CSTL1: variants seen among roughly 807,000 people sequenced by gnomAD.
The protein encoded by CSTL1 is cystatin-like 1.
CSTL1 carries 14 observed loss-of-function variants against 14.4 expected under a neutral mutation model. The observed-to-expected ratio is 0.97, with a 90% CI of 0.64 to 1.52. CSTL1 has a LOEUF of 1.52. CSTL1 is among the 40% of genes most tolerant of loss of function. The pLI, the probability that CSTL1 is intolerant of heterozygous loss-of-function variation, is 0.00. For missense variants in CSTL1, 170 were observed against 168.7 expected, an observed-to-expected ratio of 1.01 and a Z score of -0.04; for synonymous variants, 72 against 67.5, an observed-to-expected ratio of 1.07 and a Z score of -0.33.
At chr20:23,452,584 C>A in the CSTL1 span, 1 of 1,604,528 alleles carries the variant, frequency 6.2e-7, no homozygotes, top group South Asian at 1.1e-5. Context: ...ATACACTCAC[C>A]TGCCTCTGGA....
downstream of CSTL1, among the ~76,000 whole-genome samples, chr20:23,449,562 G>T (rs903181539): frequency 2.0e-5 from 3 of 152,186 alleles, no homozygotes; most frequent in Non-Finnish European, 2.9e-5. Flanking sequence ...CCATTGAGCT[G>T]CTGGCAGCCT....
chr20:23,447,911 T>C (rs1987000097), downstream of CSTL1, among the ~76,000 whole-genome samples: 1 of 152,256 alleles, frequency 6.6e-6, no homozygotes, highest in East Asian at 1.9e-4. Flanking sequence ...TACTTATCGA[T>C]TTAAATCTTG....
chr20:23,456,914 G>A, the CSTL1 span, among the ~76,000 whole-genome samples: 2 of 152,104 alleles, frequency 1.3e-5, no homozygotes, highest in Non-Finnish European at 2.9e-5. Context: ...CCTCTTCTAA[G>A]GACGTGATTA....
intron 2 of CSTL1, among the ~76,000 whole-genome samples, chr20:23,442,967 C>T (rs967349133): frequency 9.9e-5 from 15 of 152,226 alleles, no homozygotes; most frequent in Admixed American, 3.3e-4. Context: ...TCCCTGCCCA[C>T]AAGGGCTTTT....
At chr20:23,445,078 A>G, downstream of CSTL1, 1 of 647,298 alleles carries the variant, frequency 1.5e-6, no homozygotes, top group South Asian at 1.8e-5. Flanking sequence ...CACCACTCAC[A>G]TACATGCACA....
chr20:23,449,902 C>T (rs750005394), downstream of CSTL1, among the ~76,000 whole-genome samples: 4 of 152,134 alleles, frequency 2.6e-5, no homozygotes, highest in African/African-American at 4.8e-5. Context: ...CAGTGTTGCT[C>T]GTGCAAGGGG....
chr20:23,440,550 A>G, intron 2 of CSTL1, 64 bp downstream of exon 2: 1 of 1,253,814 alleles, frequency 8.0e-7, no homozygotes, highest in Non-Finnish European at 1.2e-6. Flanking sequence ...ACATGTGAGG[A>G]TTCTGGGGTA....
At chr20:23,451,793 G>T in the CSTL1 span, 2 of 1,567,512 alleles carry the variant, frequency 1.3e-6, no homozygotes, top group East Asian at 2.3e-5. Flanking sequence ...TTCTGTCTAC[G>T]TTAAAGTGCT....
downstream of CSTL1, among the ~76,000 whole-genome samples, chr20:23,445,580 A>G (rs1416742562): frequency 6.6e-6 from 1 of 152,146 alleles, no homozygotes; most frequent in East Asian, 1.9e-4. Context: ...TTAGAACAGA[A>G]TGTTCATAAT....
the CSTL1 span, among the ~76,000 whole-genome samples, chr20:23,451,297 T>TGGC: frequency 0.27 from 40,967 of 151,874 alleles, 7,772 homozygotes; most frequent in African/African-American, 0.53. Context: ...TCGGGGGTGG[T>TGGC]GGCTTCCCAG....
chr20:23,452,996 G>A, the CSTL1 span: 1 of 601,754 alleles, frequency 1.7e-6, no homozygotes, highest in South Asian at 2.0e-5. Flanking sequence ...AAGAGACTGT[G>A]CAATGGTTTT....
At chr20:23,453,323 C>A in the CSTL1 span, among the ~76,000 whole-genome samples, 1 of 152,102 alleles carries the variant, frequency 6.6e-6, no homozygotes, top group Admixed American at 6.5e-5. Context: ...GACAAAGGAG[C>A]AGAGGCACCC....
At chr20:23,460,401 G>T in the CSTL1 span, among the ~76,000 whole-genome samples, 3 of 152,318 alleles carry the variant, frequency 2.0e-5, no homozygotes, top group South Asian at 6.2e-4. Flanking sequence ...ATGCCTTGGG[G>T]ATTGAACTAT....
chr20:23,450,220 T>G, the CSTL1 span, among the ~76,000 whole-genome samples: 3 of 152,180 alleles, frequency 2.0e-5, no homozygotes, highest in Non-Finnish European at 4.4e-5. Context: ...TCTTAAAATC[T>G]TGCCTGATAT....
the CSTL1 span, chr20:23,450,425 A>G: frequency 1.2e-6 from 1 of 863,518 alleles, no homozygotes; most frequent in Non-Finnish European, 1.8e-6. Context: ...GTTGACAAAC[A>G]TTTATTGCCT....
chr20:23,442,440 T>TA (rs760312430), intron 2 of CSTL1: 3 of 152,270 alleles, frequency 2.0e-5, no homozygotes, highest in Non-Finnish European at 4.4e-5. Flanking sequence ...GTAGCACTTA[T>TA]AAAAAATCTT....
In CSTL1 at chr20:23,440,426, C is replaced by T; in HGVS notation, c.159C>T (p.Asn53=). 6.2e-7 allele frequency: 1 copy of T among 1,614,176 alleles called. No homozygotes were observed. Among genetic ancestry groups the T allele is most frequent in the Non-Finnish European group, 8.5e-7 (1 of 1,180,002 alleles). The stretch of plus-strand genomic sequence containing the variant: ...TCAACTTCTTCATTCAATCCTACAA[C>T]AATGCCAGCAACGACACCTACTTAT... ...STLNFFIQSY[N]NASNDTYLYR... is the part of the protein sequence containing the mutation. The change falls in exon 2 of 4, where the codon AAC becomes AAT. Residue 53 remains asparagine (N), a synonymous_variant. Transcript: ENST00000347397.
the CSTL1 span, among the ~76,000 whole-genome samples, chr20:23,459,685 G>A: frequency 5.9e-5 from 9 of 152,308 alleles, no homozygotes; most frequent in South Asian, 4.1e-4. Context: ...CTGGCATGGC[G>A]CAGGATTTAG....
intron 1 of CSTL1, 108 bp from the exon 2 acceptor site, chr20:23,440,036 G>A (rs1230689164): frequency 1.8e-6 from 1 of 545,416 alleles, no homozygotes; most frequent in East Asian, 3.2e-5. Flanking sequence ...TAAAAATTTT[G>A]CTTGCCTGGA....
Sources: gnomAD v4.1 joint callset for allele counts (sites outside exome capture counted in the v4.1 genomes callset) on GRCh38, gnomAD v4.1.1 for gene constraint, MANE v1.5 for transcripts, NCBI Gene and HGNC (gene_info 2026-07-23, HGNC 2026-07-21) for gene names.